Variants in TSPAN18 observed in about 807,000 individuals in gnomAD.
TSPAN18 encodes tetraspanin-18.
A neutral mutation model predicts 27.3 loss-of-function variants in TSPAN18; 14 were observed. The ratio of observed to expected loss-of-function variants is 0.51; its 90% CI spans 0.34 to 0.80. The LOEUF is 0.80. TSPAN18 is among the 30% of genes least tolerant of loss of function. The pLI, the probability that TSPAN18 is intolerant of heterozygous loss-of-function variation, is 0.01. For synonymous variants in TSPAN18, 143 were observed against 136.5 expected (o/e 1.05, Z -0.33); for missense variants, 268 against 323.9 (o/e 0.83, Z 1.32).
rs143662801 is a variant in TSPAN18, at chr11:44,916,022, G to A, written c.259-1950G>A. Among the ~76,000 whole-genome samples the A allele has an allele frequency of 9.2e-4, 140 of 152,320 alleles. No homozygotes were observed. In the Middle Eastern group the frequency reaches 0.01, roughly 11 times the overall value. Reference sequence around the variant, plus strand: ...AAACCAGCCAGCAAAACGCAGGATTGAGGAGTGACACATCCCCGCCACGGG... The same window carrying A: ...AAACCAGCCAGCAAAACGCAGGATTAAGGAGTGACACATCCCCGCCACGGG... On this transcript the variant is annotated intron_variant, in intron 5 of 9. Coordinates refer to ENST00000520358, the MANE Select transcript of TSPAN18 (RefSeq NM_130783.5).
intron 2 of TSPAN18, among the ~76,000 whole-genome samples, chr11:44,801,432 G>A (rs1232979655): frequency 6.6e-6 from 1 of 152,144 alleles, no homozygotes; most frequent in South Asian, 2.1e-4. Context: ...TCATTTATAG[G>A]TATCTCCTTA....
At chr11:44,786,046 T>C (rs1043246832) in intron 2 of TSPAN18, among the ~76,000 whole-genome samples, 2 of 152,234 alleles carry the variant, frequency 1.3e-5, no homozygotes, top group Non-Finnish European at 2.9e-5. Context: ...CTGTGCCTCA[T>C]GCACAGCGAG....
At chr11:44,801,577 A>T (rs1349390587) in intron 2 of TSPAN18, among the ~76,000 whole-genome samples, 1 of 152,208 alleles carries the variant, frequency 6.6e-6, no homozygotes, top group African/African-American at 2.4e-5. Context: ...AAATGAAAAA[A>T]ATATCTTCAT....
At chr11:44,837,708 T>G (rs921554312) in intron 2 of TSPAN18, among the ~76,000 whole-genome samples, 4 of 152,230 alleles carry the variant, frequency 2.6e-5, no homozygotes, top group African/African-American at 9.6e-5. Flanking sequence ...CAGCAACCAC[T>G]GCCCTGATCA....
intron 3 of TSPAN18, among the ~76,000 whole-genome samples, chr11:44,861,331 G>T (rs1028978457): frequency 1.3e-5 from 2 of 151,422 alleles, no homozygotes; most frequent in Non-Finnish European, 2.9e-5. Context: ...GAAACCTGGA[G>T]GATAAGATAT....
Position 44,909,812 on chromosome 11 carries a change from C to G in TSPAN18, c.171C>G (p.Ile57Met). The G allele has an allele frequency of 6.2e-7, 1 of 1,614,028 alleles. No individual in the cohort carries two copies. Residue 57 changes from isoleucine to methionine, a missense_variant, in exon 5 of 10, where the codon ATC becomes ATG. By Grantham distance (10) the Ile-to-Met change is conservative. Coordinates refer to ENST00000520358, the MANE Select transcript of TSPAN18 (RefSeq NM_130783.5). The part of the protein sequence containing the change: ...ANPLLLTGAY[I>M]LLAMGGLLFL... Reference sequence around the variant, plus strand: ...CTCTGCTCCTCACGGGCGCCTACATCCTCCTGGCCATGGGGGGCCTGCTCT... The same window carrying G: ...CTCTGCTCCTCACGGGCGCCTACATGCTCCTGGCCATGGGGGGCCTGCTCT...
chr11:44,864,775 T>C lies in TSPAN18; in HGVS notation c.-11+4306T>C, dbSNP rs557322953. Among the ~76,000 whole-genome samples, 3 of 152,340 alleles carry C rather than the reference T, an allele frequency of 2.0e-5. No homozygotes were observed. In the South Asian group the frequency reaches 6.2e-4, roughly 32 times the overall value. On this transcript the variant is annotated intron_variant, in intron 3 of 9. Coordinates refer to ENST00000520358, the MANE Select transcript of TSPAN18 (RefSeq NM_130783.5). ...TGTTTCATTTTTCACCCCCCTTTGATGCTTCTTTGGATCCTGAACTGCAAA... is the reference window on the plus strand; with the variant it reads ...TGTTTCATTTTTCACCCCCCTTTGACGCTTCTTTGGATCCTGAACTGCAAA...
At chr11:44,813,661 C>T (rs915140976) in intron 2 of TSPAN18, among the ~76,000 whole-genome samples, 32 of 152,276 alleles carry the variant, frequency 2.1e-4, no homozygotes, top group African/African-American at 5.5e-4. Flanking sequence ...AGGTTAGAAA[C>T]GGGAATTGTA....
intron 2 of TSPAN18, among the ~76,000 whole-genome samples, chr11:44,779,747 C>G (rs546739243): frequency 6.6e-6 from 1 of 152,294 alleles, no homozygotes; most frequent in African/African-American, 2.4e-5. Flanking sequence ...CCCCACATAC[C>G]TGTGCACACC....
chr11:44,863,635 G>A (rs911489340), intron 3 of TSPAN18, among the ~76,000 whole-genome samples: 1 of 152,196 alleles, frequency 6.6e-6, no homozygotes, highest in Admixed American at 6.5e-5. Context: ...GGAGACTTGG[G>A]TCCCTGCTGC....
intron 2 of TSPAN18, among the ~76,000 whole-genome samples, chr11:44,852,180 T>G (rs1267046276): frequency 1.3e-5 from 2 of 152,234 alleles, no homozygotes; most frequent in African/African-American, 2.4e-5. Flanking sequence ...GTTTCTGTGT[T>G]CCCAGGGTTT....
chr11:44,925,076 A>G (rs970633777), intron 8 of TSPAN18, among the ~76,000 whole-genome samples: 2 of 152,198 alleles, frequency 1.3e-5, no homozygotes, highest in African/African-American at 2.4e-5. Flanking sequence ...GCTCCATCCC[A>G]GTCATACAGC....
intron 2 of TSPAN18, among the ~76,000 whole-genome samples, chr11:44,821,392 A>C (rs761283824): frequency 6.6e-6 from 1 of 152,198 alleles, no homozygotes; most frequent in Non-Finnish European, 1.5e-5. Flanking sequence ...AGAGTGGTTG[A>C]CTTTTAATTA....
intron 7 of TSPAN18, 118 bp downstream of exon 7, chr11:44,919,430 C>A: frequency 1.1e-6 from 1 of 883,950 alleles, no homozygotes; most frequent in South Asian, 1.4e-5. Flanking sequence ...CAGACCTGGC[C>A]TTGGAATCAC....
At chr11:44,889,019 C>T (rs1257747484) in intron 3 of TSPAN18, among the ~76,000 whole-genome samples, 2 of 152,230 alleles carry the variant, frequency 1.3e-5, no homozygotes, top group Non-Finnish European at 2.9e-5. Context: ...TTTTCCTGTG[C>T]TCACACTCGC....
intron 2 of TSPAN18, among the ~76,000 whole-genome samples, chr11:44,858,475 A>G (rs1361646373): frequency 6.6e-6 from 1 of 152,218 alleles, no homozygotes; most frequent in Non-Finnish European, 1.5e-5. Context: ...ACAGATGGAG[A>G]AACTGAGGCC....
intron 2 of TSPAN18, among the ~76,000 whole-genome samples, chr11:44,794,671 A>G (rs80321170): frequency 7.0e-6 from 1 of 142,160 alleles, no homozygotes; most frequent in African/African-American, 2.7e-5. Flanking sequence ...CTGTCTCAGG[A>G]AAAAAAAAAA....
chr11:44,864,324 G>T (rs897775689), intron 3 of TSPAN18, among the ~76,000 whole-genome samples: 4 of 151,872 alleles, frequency 2.6e-5, no homozygotes, highest in Non-Finnish European at 5.9e-5. Flanking sequence ...ATGGGGTGGG[G>T]TGTCACACCC....
chr11:44,781,467 C>A (rs1269161535), intron 2 of TSPAN18, among the ~76,000 whole-genome samples: 1 of 152,212 alleles, frequency 6.6e-6, no homozygotes, highest in Non-Finnish European at 1.5e-5. Flanking sequence ...ACTATTGTGT[C>A]TGTGTTGCTC....
Sources: allele counts gnomAD v4.1 joint callset (sites outside exome capture counted in the v4.1 genomes callset), GRCh38; gene constraint gnomAD v4.1.1; transcripts MANE v1.5; gene names NCBI Gene and HGNC (gene_info 2026-07-23, HGNC 2026-07-21).